Variants in SEPTIN11 observed in about 807,000 individuals in gnomAD.
The protein encoded by SEPTIN11 is septin-11.
A neutral mutation model predicts 51.4 loss-of-function variants in SEPTIN11; 25 were observed. The ratio of observed to expected loss-of-function variants is 0.49; its 90% CI spans 0.35 to 0.68. SEPTIN11 has a LOEUF of 0.68. SEPTIN11 is among the 30% of genes least tolerant of loss of function. The pLI, the probability that SEPTIN11 is intolerant of heterozygous loss-of-function variation, is 0.00. For synonymous variants in SEPTIN11, 174 were observed against 184.1 expected (o/e 0.95, Z 0.44); for missense variants, 381 against 520.8 (o/e 0.73, Z 2.61).
chr4:76,949,760 G>A lies in SEPTIN11; in HGVS notation c.-144G>A. Reference sequence around the variant, plus strand: ...GGGCGGCGGCGTGGGGGGAGCAGATGCCGCTGGCTGCCAGCGGGACGCCGG... The same window carrying A: ...GGGCGGCGGCGTGGGGGGAGCAGATACCGCTGGCTGCCAGCGGGACGCCGG... On this transcript the variant is annotated 5_prime_UTR_variant, in exon 1 of 10. The change abolishes an upstream ATG in the 5' untranslated region. Coordinates refer to ENST00000264893, the MANE Select transcript of SEPTIN11 (RefSeq NM_018243.4). 1 of 817,702 alleles carries A rather than the reference G, an allele frequency of 1.2e-6. No individual in the cohort carries two copies. The highest frequency in any genetic ancestry group is 1.8e-6 in the Non-Finnish European group (1 of 545,614). 50.7% of individuals were successfully genotyped at this position (817,702 alleles called of 1,614,324 possible). A position where few individuals can be genotyped will look rare whatever the true frequency, so the allele number is the denominator to read the frequency against.
At chr4:76,992,436 C>T (rs1032117430) in intron 1 of SEPTIN11, among the ~76,000 whole-genome samples, 4 of 152,228 alleles carry the variant, frequency 2.6e-5, no homozygotes, top group Non-Finnish European at 4.4e-5. Context: ...TGACTATGTT[C>T]GACAACTCTG....
chr4:76,989,806 A>G (rs12108436), intron 1 of SEPTIN11, among the ~76,000 whole-genome samples: 80,091 of 152,092 alleles, frequency 0.53, 21,884 homozygotes, highest in Middle Eastern at 0.62. Flanking sequence ...GTTTATAGCC[A>G]AGGAGCAATA....
chr4:76,959,151 T>C, intron 1 of SEPTIN11: 1 of 527,470 alleles, frequency 1.9e-6, no homozygotes, highest in East Asian at 4.2e-5. Flanking sequence ...GCAACCTTGC[T>C]CTTGATCGTT....
chr4:76,970,540 A>C (rs943571780), intron 1 of SEPTIN11, among the ~76,000 whole-genome samples: 1 of 152,238 alleles, frequency 6.6e-6, no homozygotes, highest in Non-Finnish European at 1.5e-5. Context: ...ATCAGTATTT[A>C]GTGGTTGAGC....
chr4:77,014,807 A>G, intron 4 of SEPTIN11, 49 bp from the exon 5 acceptor site: 1 of 1,581,560 alleles, frequency 6.3e-7, no homozygotes, highest in Non-Finnish European at 8.6e-7. Context: ...TCACTTGTCT[A>G]TTTTTCTTAT....
chr4:76,966,570 T>C (rs1268568978), intron 1 of SEPTIN11, among the ~76,000 whole-genome samples: 1 of 152,080 alleles, frequency 6.6e-6, no homozygotes, highest in East Asian at 1.9e-4. Flanking sequence ...ATTAAAAATT[T>C]ATGTAATCAG....
At chr4:76,998,615 C>T (rs965384787) in intron 2 of SEPTIN11, among the ~76,000 whole-genome samples, 1 of 152,154 alleles carries the variant, frequency 6.6e-6, no homozygotes, top group Non-Finnish European at 1.5e-5. Context: ...CTCTCCCCCA[C>T]CCTCCAACAC....
chr4:76,949,912 G>T lies in SEPTIN11; in HGVS notation c.9G>T (p.Val3=). The T allele has an allele frequency of 1.3e-6, 2 of 1,529,754 alleles. No homozygotes were observed. The highest frequency in any genetic ancestry group is 1.7e-6 in the Non-Finnish European group (2 of 1,145,966). The allele number at this position is 1,529,754 out of a possible 1,614,324, so 94.8% of individuals were successfully genotyped here. A position where few individuals can be genotyped will look rare whatever the true frequency, so the allele number is the denominator to read the frequency against. Residue 3 remains valine, a synonymous_variant, in exon 1 of 10, where the codon GTG becomes GTT. Transcript: ENST00000264893. ...CCGGTGCCGCAGCTGCGATGGCCGT[G>T]GCCGTGGGGAGACCGTCTGTGAGTG... MA[V]AVGRPSNEEL... is the part of the protein sequence containing the mutation.
downstream of SEPTIN11, chr4:77,038,929 C>A: frequency 2.0e-6 from 1 of 494,428 alleles, no homozygotes; most frequent in Non-Finnish European, 3.5e-6. Context: ...CTGCTGCTCA[C>A]CCTCCCGTCG....
chr4:76,983,990 G>C (rs1439257921), intron 1 of SEPTIN11, among the ~76,000 whole-genome samples: 1 of 152,112 alleles, frequency 6.6e-6, no homozygotes, highest in African/African-American at 2.4e-5. Context: ...CTAGGCGACA[G>C]AGCAAGACTC....
chr4:77,038,645 T>C (rs1352311689), downstream of SEPTIN11: 2 of 995,118 alleles, frequency 2.0e-6, no homozygotes, highest in Non-Finnish European at 2.4e-6. Flanking sequence ...GAGTTCTTTT[T>C]AGTCACTGCT....
intron 1 of SEPTIN11, among the ~76,000 whole-genome samples, chr4:76,992,620 G>T (rs530563773): frequency 6.6e-6 from 1 of 152,298 alleles, no homozygotes; most frequent in East Asian, 1.9e-4. Flanking sequence ...CTGGAGCATT[G>T]GAAGGGATAA....
chr4:76,974,312 G>A (rs566049980), intron 1 of SEPTIN11, among the ~76,000 whole-genome samples: 1 of 152,092 alleles, frequency 6.6e-6, no homozygotes, highest in Non-Finnish European at 1.5e-5. Flanking sequence ...ACTATTTAAA[G>A]GTCAGTGACT....
Position 77,030,827 on chromosome 4 carries a change from A to G in SEPTIN11, c.1131A>G (p.Glu377=), listed in dbSNP as rs1726570778. 3.7e-6 allele frequency: 6 copies of G among 1,608,800 alleles called. No homozygotes were observed. Among genetic ancestry groups the G allele is most frequent in the Admixed American group, 1.7e-5 (1 of 57,744 alleles). The change falls in exon 9 of 10, where the codon GAA becomes GAG. Residue 377 remains glutamate (E), a synonymous_variant. Coordinates refer to ENST00000264893, the MANE Select transcript of SEPTIN11 (RefSeq NM_018243.4). ...TTCTAAAGCGGACACACCAAGAAGA[A>G]AAGAAGAAAGTGGAAGACAAGAAGA... is the stretch of plus-strand genomic sequence containing the variant. ...FDLLKRTHQE[E]KKKVEDKKKE...
In SEPTIN11 at chr4:76,984,784, GTGATAT is replaced by G. The variant is rs1560709406; in HGVS notation, c.28-11640_28-11635del. Among the ~76,000 whole-genome samples, 372 of 152,300 alleles carry G rather than the reference GTGATAT, an allele frequency of 2.4e-3. No individual in the cohort carries two copies. Among genetic ancestry groups the G allele is most frequent in the African/African-American group, 8.7e-3 (363 of 41,560 alleles). ...GGTGGTTTTATGCTCTGCAAGAGAC[GTGATAT>G]GTCTTAAATGGAACTGGGTTGTTTG... is the stretch of plus-strand genomic sequence containing the variant. On this transcript the variant is annotated intron_variant, in intron 1 of 9. Coordinates refer to ENST00000264893, the MANE Select transcript of SEPTIN11 (RefSeq NM_018243.4). This position sits in a 1 kb window ranked among gnomAD's most constrained non-coding sequence, Gnocchi z 4.1.
chr4:76,988,339 G>A (rs1221424312), intron 1 of SEPTIN11, among the ~76,000 whole-genome samples: 1 of 152,170 alleles, frequency 6.6e-6, no homozygotes, highest in Non-Finnish European at 1.5e-5. Flanking sequence ...ATGAGTTGGG[G>A]AGGCTTTGTT....
intron 1 of SEPTIN11, among the ~76,000 whole-genome samples, chr4:76,995,152 C>T (rs1405659851): frequency 2.0e-5 from 3 of 148,324 alleles, no homozygotes; most frequent in Admixed American, 6.7e-5. Context: ...GGGAGGCCGA[C>T]GCGGGCAGAT....
Position 77,034,405 on chromosome 4 carries a change from A to G in SEPTIN11, c.1275-92A>G. 5.5e-6 allele frequency: 6 copies of G among 1,092,728 alleles called. No individual in the cohort carries two copies. The South Asian group carries it at 1.2e-4, about 21-fold the overall frequency. The allele number at this position is 1,092,728 out of a possible 1,614,324, so 67.7% of individuals were successfully genotyped here. Reference sequence around the variant, plus strand: ...CATAATCATTGCATGAGCATTCACCATCACTGAATGCTGGTGCTGTCGCTC... The same window carrying G: ...CATAATCATTGCATGAGCATTCACCGTCACTGAATGCTGGTGCTGTCGCTC... On this transcript the variant is annotated intron_variant, in intron 9 of 9. Coordinates refer to ENST00000264893, the MANE Select transcript of SEPTIN11 (RefSeq NM_018243.4).
At chr4:77,029,767 T>C (rs115206387) in intron 8 of SEPTIN11, among the ~76,000 whole-genome samples, 12,972 of 150,900 alleles carry the variant, frequency 0.086, 593 homozygotes, top group South Asian at 0.17. Context: ...TATATATATA[T>C]ACACACACAC....
Sources: gnomAD v4.1 joint callset for allele counts (sites outside exome capture counted in the v4.1 genomes callset) on GRCh38, gnomAD v4.1.1 for gene constraint, Gnocchi (gnomAD v3.1) non-coding constraint, MANE v1.5 for transcripts, NCBI Gene and HGNC (gene_info 2026-07-23, HGNC 2026-07-21) for gene names.